The following FUT8 variants were observed in gnomAD, a reference collection of about 807,000 sequenced individuals.
FUT8 encodes the protein alpha-(1,6)-fucosyltransferase.
A neutral mutation model predicts 71.3 loss-of-function variants in FUT8; 29 were observed. The observed-to-expected ratio is 0.41, with a 90% CI of 0.30 to 0.55. FUT8 has a LOEUF of 0.55. FUT8 is among the 20% of genes least tolerant of loss of function. The pLI is 0.34. For missense variants in FUT8, 544 were observed against 702.1 expected (o/e 0.77, Z 2.55); for synonymous variants, 254 against 239.3 (o/e 1.06, Z -0.57).
chr14:65,445,934 C>A (rs1428570465), intron 1 of FUT8, among the ~76,000 whole-genome samples: 1 of 152,166 alleles, frequency 6.6e-6, no homozygotes. Flanking sequence ...AGCTAGAAAA[C>A]CTTTCATATT....
chr14:65,418,772 T>C (rs1198618781), intron 1 of FUT8, among the ~76,000 whole-genome samples: 1 of 152,206 alleles, frequency 6.6e-6, no homozygotes, highest in Admixed American at 6.5e-5. Context: ...ATTGACCATC[T>C]TTACAGTATA....
chr14:65,516,486 A>T (rs1462816885), intron 2 of FUT8: 1 of 152,174 alleles, frequency 6.6e-6, no homozygotes, highest in Non-Finnish European at 1.5e-5. Context: ...GAGTTAGAGT[A>T]AATGGATTAA....
At chr14:65,596,005 A>G (rs1887960630) in intron 3 of FUT8, among the ~76,000 whole-genome samples, 1 of 152,192 alleles carries the variant, frequency 6.6e-6, no homozygotes, top group Admixed American at 6.5e-5. Flanking sequence ...TATCAGGATA[A>G]ATAGTATCAC....
At chr14:65,725,483 A>T (rs552832677) in intron 9 of FUT8, among the ~76,000 whole-genome samples, 1 of 152,198 alleles carries the variant, frequency 6.6e-6, no homozygotes, top group African/African-American at 2.4e-5. Context: ...TAAATGAAGG[A>T]TGTATTAAAT....
intron 9 of FUT8, among the ~76,000 whole-genome samples, chr14:65,725,435 T>A (rs1300244920): frequency 2.0e-5 from 3 of 152,234 alleles, no homozygotes; most frequent in African/African-American, 7.2e-5. Context: ...TCTTATAGGA[T>A]CTGAGTAAAC....
At chr14:65,379,816 C>A in the FUT8 span, among the ~76,000 whole-genome samples, 1 of 152,178 alleles carries the variant, frequency 6.6e-6, no homozygotes, top group Non-Finnish European at 1.5e-5. Context: ...AAGGTTCTGG[C>A]ATTTGATACC....
At chr14:65,529,781 C>T (rs367976547) in intron 2 of FUT8, among the ~76,000 whole-genome samples, 1 of 152,154 alleles carries the variant, frequency 6.6e-6, no homozygotes, top group Admixed American at 6.6e-5. Context: ...GTTTTTTGTG[C>T]TAACATTTTT....
At chr14:65,387,113 A>T in the FUT8 span, among the ~76,000 whole-genome samples, 1 of 152,144 alleles carries the variant, frequency 6.6e-6, no homozygotes, top group African/African-American at 2.4e-5. Flanking sequence ...AAGTGCTGGG[A>T]TCACAGACAT....
At chr14:65,682,365 G>T (rs1893079265) in intron 7 of FUT8, among the ~76,000 whole-genome samples, 3 of 152,030 alleles carry the variant, frequency 2.0e-5, no homozygotes, top group Admixed American at 2.0e-4. Flanking sequence ...TAAATTAGCT[G>T]GGCATGGTGG....
intron 7 of FUT8, among the ~76,000 whole-genome samples, chr14:65,690,333 T>G (rs765356183): frequency 1.3e-5 from 2 of 152,182 alleles, no homozygotes; most frequent in African/African-American, 2.4e-5. Context: ...CCTCTTACTT[T>G]GTTATTCTTC....
intron 2 of FUT8, among the ~76,000 whole-genome samples, chr14:65,501,413 A>G (rs996991591): frequency 1.3e-5 from 2 of 152,192 alleles, no homozygotes; most frequent in Admixed American, 1.3e-4. Context: ...ATTGGGGTTC[A>G]AAACCTCTGG....
At chr14:65,678,584 G>A (rs1181736143) in intron 7 of FUT8, among the ~76,000 whole-genome samples, 1 of 152,070 alleles carries the variant, frequency 6.6e-6, no homozygotes, top group Non-Finnish European at 1.5e-5. Context: ...GGGGTACTAG[G>A]AATAAACCAT....
At chr14:65,367,976 T>A in the FUT8 span, among the ~76,000 whole-genome samples, 1 of 151,478 alleles carries the variant, frequency 6.6e-6, no homozygotes, top group Non-Finnish European at 1.5e-5. Flanking sequence ...GGAAATATAA[T>A]GTGAGCCACA....
chr14:65,444,335 A>G (rs2065706140), intron 1 of FUT8, among the ~76,000 whole-genome samples: 1 of 152,206 alleles, frequency 6.6e-6, no homozygotes, highest in Admixed American at 6.5e-5. Context: ...AGCAACTAGA[A>G]CTCTCCTGCC....
intron 2 of FUT8, among the ~76,000 whole-genome samples, chr14:65,523,274 T>C (rs900131499): frequency 1.2e-4 from 18 of 152,220 alleles, no homozygotes; most frequent in Non-Finnish European, 2.4e-4. Context: ...TTCTAACTGG[T>C]GTGAGATGGT....
At chr14:65,636,278 T>A (rs1890548447) in intron 6 of FUT8, among the ~76,000 whole-genome samples, 1 of 151,832 alleles carries the variant, frequency 6.6e-6, no homozygotes, top group Non-Finnish European at 1.5e-5. Flanking sequence ...TATTTATCTG[T>A]TCAAAGAACC....
the FUT8 span, among the ~76,000 whole-genome samples, chr14:65,362,449 G>A: frequency 3.3e-5 from 5 of 152,116 alleles, no homozygotes; most frequent in Non-Finnish European, 5.9e-5. Context: ...GCTGAGGTAC[G>A]AAGATTACTT....
At chr14:65,416,532 A>C (rs1208818409) in intron 1 of FUT8, among the ~76,000 whole-genome samples, 1 of 152,148 alleles carries the variant, frequency 6.6e-6, no homozygotes, top group East Asian at 1.9e-4. Flanking sequence ...TCTGGTCTTC[A>C]ACAGTAGTGT....
intron 3 of FUT8, among the ~76,000 whole-genome samples, chr14:65,608,521 T>C (rs961384939): frequency 2.6e-5 from 4 of 152,030 alleles, no homozygotes; most frequent in Admixed American, 6.6e-5. Context: ...TTTCATATTA[T>C]GTTTTAATGC....
Sources: allele counts gnomAD v4.1 joint callset (sites outside exome capture counted in the v4.1 genomes callset), GRCh38; gene constraint gnomAD v4.1.1; transcripts MANE v1.5; gene names NCBI Gene and HGNC (gene_info 2026-07-23, HGNC 2026-07-21).